CHN2: variants seen among roughly 807,000 people sequenced by gnomAD.
CHN2 encodes chimerin 2, also known as beta-chimaerin.
In CHN2, 35 loss-of-function variants were observed where a neutral mutation model predicts 56.3. The observed-to-expected ratio is 0.62, with a 90% CI of 0.47 to 0.82. CHN2 has a LOEUF of 0.82. CHN2 is among the 40% of genes least tolerant of loss of function. The pLI is 0.00. For missense variants in CHN2, 491 were observed against 580.5 expected (o/e 0.85, Z 1.58); for synonymous variants, 210 against 212.8 (o/e 0.99, Z 0.12).
intron 1 of CHN2, among the ~76,000 whole-genome samples, chr7:29,232,352 A>G (rs890487495): frequency 9.2e-5 from 14 of 152,138 alleles, no homozygotes; most frequent in African/African-American, 3.4e-4. Context: ...TCTCTAGTTT[A>G]GTGGCCAGCT....
chr7:29,415,132 G>A (rs553306936), intron 6 of CHN2, among the ~76,000 whole-genome samples: 16 of 152,302 alleles, frequency 1.1e-4, no homozygotes, highest in Admixed American at 5.2e-4. Context: ...CACTTACAAC[G>A]ACTAGCTCGG....
intron 1 of CHN2, among the ~76,000 whole-genome samples, chr7:29,232,905 C>T (rs979114000): frequency 2.6e-5 from 4 of 152,260 alleles, no homozygotes; most frequent in Admixed American, 6.5e-5. Context: ...ATTGAATTGT[C>T]CTCATGTGTA....
intron 1 of CHN2, among the ~76,000 whole-genome samples, chr7:29,325,059 G>C (rs770084768): frequency 2.6e-5 from 4 of 152,000 alleles, no homozygotes; most frequent in Non-Finnish European, 4.4e-5. Context: ...TTGGCTCCTA[G>C]GGCACCACCA....
At chr7:29,323,753 T>C (rs959315420) in intron 1 of CHN2, among the ~76,000 whole-genome samples, 1 of 151,932 alleles carries the variant, frequency 6.6e-6, no homozygotes, top group Non-Finnish European at 1.5e-5. Context: ...ATTCCAGCAC[T>C]TTGGGAGGCC....
chr7:29,414,181 A>G (rs3793269), intron 6 of CHN2, among the ~76,000 whole-genome samples: 22,089 of 152,134 alleles, frequency 0.15, 1,691 homozygotes, highest in South Asian at 0.2. Flanking sequence ...GTCAGTTCAG[A>G]TGAGAGGAAA....
intron 2 of CHN2, among the ~76,000 whole-genome samples, chr7:29,183,563 G>A (rs1798335053): frequency 6.6e-6 from 1 of 151,678 alleles, no homozygotes; most frequent in African/African-American, 2.4e-5. Flanking sequence ...TTTTAGTAGA[G>A]ACAGGGTTTC....
intron 1 of CHN2, among the ~76,000 whole-genome samples, chr7:29,218,003 G>T (rs1305160540): frequency 6.6e-6 from 1 of 151,998 alleles, no homozygotes; most frequent in East Asian, 1.9e-4. Context: ...ACATGAAATT[G>T]ACTGGTAGAG....
chr7:29,175,362 G>T (rs892378776), intron 2 of CHN2, among the ~76,000 whole-genome samples: 1 of 151,986 alleles, frequency 6.6e-6, no homozygotes, highest in African/African-American at 2.4e-5. Context: ...TTTCAGTAGA[G>T]AGGGGGTTTC....
At chr7:29,197,480 A>G (rs1001207727) in intron 1 of CHN2, among the ~76,000 whole-genome samples, 1 of 152,202 alleles carries the variant, frequency 6.6e-6, no homozygotes, top group Non-Finnish European at 1.5e-5. Context: ...GAATGAAATA[A>G]TGTGTGTGGA....
intron 2 of CHN2, among the ~76,000 whole-genome samples, chr7:29,152,186 G>A (rs999938851): frequency 3.3e-5 from 5 of 152,138 alleles, no homozygotes; most frequent in African/African-American, 1.2e-4. Flanking sequence ...CAAGTAAAAT[G>A]GGCAAAAGGT....
At chr7:29,407,109 G>A (rs942685618) in intron 6 of CHN2, among the ~76,000 whole-genome samples, 2 of 152,186 alleles carry the variant, frequency 1.3e-5, no homozygotes, top group Admixed American at 6.5e-5. Flanking sequence ...ATCAGGAGCA[G>A]CAGGAGTCTG....
chr7:29,392,725 A>G (rs939525535), intron 3 of CHN2, among the ~76,000 whole-genome samples: 4 of 152,118 alleles, frequency 2.6e-5, no homozygotes, highest in Admixed American at 1.3e-4. Context: ...ATATCATGAA[A>G]TCCTGCTACT....
At chr7:29,257,250 C>A (rs908818424) in intron 1 of CHN2, among the ~76,000 whole-genome samples, 5 of 152,314 alleles carry the variant, frequency 3.3e-5, no homozygotes, top group Admixed American at 6.5e-5. Context: ...CCATCCTAGC[C>A]CTGGTTTCCA....
chr7:29,346,998 A>G (rs1239909301), intron 1 of CHN2, among the ~76,000 whole-genome samples: 2 of 152,118 alleles, frequency 1.3e-5, no homozygotes, highest in African/African-American at 2.4e-5. Context: ...CCTGCACTCC[A>G]TGGCCATATG....
chr7:29,342,854 A>G (rs1008207449), intron 1 of CHN2, among the ~76,000 whole-genome samples: 1 of 152,274 alleles, frequency 6.6e-6, no homozygotes, highest in African/African-American at 2.4e-5. Flanking sequence ...GCAGGCAGTC[A>G]GTTAGTGCTC....
intron 1 of CHN2, among the ~76,000 whole-genome samples, chr7:29,317,676 T>A (rs1795055174): frequency 6.6e-6 from 1 of 151,958 alleles, no homozygotes; most frequent in Admixed American, 6.6e-5. Context: ...GAGGGAGAGA[T>A]CATTAGAAAC....
chr7:29,256,810 G>A (rs113705330), intron 1 of CHN2, among the ~76,000 whole-genome samples: 2,147 of 152,100 alleles, frequency 0.014, 40 homozygotes, highest in African/African-American at 0.049. Context: ...AGGAGGAACC[G>A]ATCGCCCCCC....
intron 1 of CHN2, among the ~76,000 whole-genome samples, chr7:29,244,191 C>T (rs1377771011): frequency 1.3e-5 from 2 of 152,120 alleles, no homozygotes; most frequent in African/African-American, 4.8e-5. Flanking sequence ...CTGTCATTTC[C>T]GAGTCTGGGA....
At chr7:29,342,464 G>A (rs904849285) in intron 1 of CHN2, among the ~76,000 whole-genome samples, 1 of 152,164 alleles carries the variant, frequency 6.6e-6, no homozygotes, top group African/African-American at 2.4e-5. Context: ...AACAATGCCA[G>A]GGCCATGATC....
Sources: allele counts gnomAD v4.1 joint callset (sites outside exome capture counted in the v4.1 genomes callset), GRCh38; gene constraint gnomAD v4.1.1; transcripts MANE v1.5; gene names NCBI Gene and HGNC (gene_info 2026-07-23, HGNC 2026-07-21).